The following LRRN1 variants were observed in gnomAD, a reference collection of about 807,000 sequenced individuals.
The protein encoded by LRRN1 is leucine rich repeat neuronal 1, also known as leucine-rich repeat neuronal protein 1.
Under a neutral mutation model 45.8 loss-of-function variants are expected in LRRN1, and 14 were observed. That is an observed-to-expected ratio of 0.31 (90% CI 0.20 to 0.48). LRRN1 has a LOEUF of 0.48. Ranked by LOEUF, LRRN1 falls within the 20% of genes least tolerant of loss-of-function variation. The pLI is 0.99. For synonymous variants in LRRN1, 359 were observed against 330.1 expected, an observed-to-expected ratio of 1.09 and a Z score of -0.95; for missense variants, 789 against 874.2, an observed-to-expected ratio of 0.90 and a Z score of 1.23.
In LRRN1 at chr3:3,846,238, C is replaced by A. The variant is rs1225133051; in HGVS notation, c.1597C>A (p.Gln533Lys). The A allele has an allele frequency of 6.2e-6, 10 of 1,614,008 alleles. No individual in the cohort carries two copies. Among genetic ancestry groups the A allele is most frequent in the Non-Finnish European group, 7.6e-6 (9 of 1,180,020 alleles). The change falls in exon 2 of 2, where the codon CAG becomes AAG. Residue 533 changes from glutamine to lysine, a missense_variant. Transcript: ENST00000319331. The surrounding 1 kb of genome is among the most constrained non-coding windows in gnomAD (Gnocchi z 5.7). ...GTQVLKIYVK[Q>K]TESHSILVSW... ...CCAGGTGCTAAAAATATACGTCAAG[C>A]AGACAGAATCCCATTCCATCTTAGT...
chr3:3,816,746 C>T lies in LRRN1; in HGVS notation c.-279+16827C>T, dbSNP rs1265110331. ...TGCTCTAGTTAACCAAGGTTTCGCT[C>T]TACAAGTTAGCTTTCTTCTACGTGT... On this transcript the variant is annotated intron_variant, in intron 1 of 1. Coordinates refer to ENST00000319331, the MANE Select transcript of LRRN1 (RefSeq NM_020873.7). This position sits in a 1 kb window ranked among gnomAD's most constrained non-coding sequence, Gnocchi z 4.0. Among the ~76,000 whole-genome samples, 1 of 152,172 alleles carries T rather than the reference C, an allele frequency of 6.6e-6. No homozygotes were observed. Among genetic ancestry groups the T allele is most frequent in the South Asian group, 2.1e-4 (1 of 4,838 alleles).
rs1575307783 is a variant in LRRN1, at chr3:3,847,896, C to T, written c.*1104C>T. Among the ~76,000 whole-genome samples, 1 of 151,978 alleles carries T rather than the reference C, an allele frequency of 6.6e-6. No homozygotes were observed. The highest frequency in any genetic ancestry group is 2.1e-4 in the South Asian group (1 of 4,798). On this transcript the variant is annotated 3_prime_UTR_variant, in exon 2 of 2. Coordinates refer to ENST00000319331, the MANE Select transcript of LRRN1 (RefSeq NM_020873.7). ...AAGAAAAAAAGGTGTATTGTTGTAT[C>T]CCATGCATAAATAAAGGTAAATATA...
At chr3:3,802,128 G>A (rs537752409) in intron 1 of LRRN1, among the ~76,000 whole-genome samples, 1 of 152,322 alleles carries the variant, frequency 6.6e-6, no homozygotes, top group East Asian at 1.9e-4. Context: ...CTAGTTACCC[G>A]AGTGGTTTTC....
chr3:3,800,225 C>A (rs1227774417), intron 1 of LRRN1, among the ~76,000 whole-genome samples: 1 of 150,964 alleles, frequency 6.6e-6, no homozygotes, highest in Non-Finnish European at 1.5e-5. Context: ...GTGACCGGAG[C>A]CGAGCCTGCT....
chr3:3,839,242 A>C (rs1693592945), intron 1 of LRRN1, among the ~76,000 whole-genome samples: 1 of 152,150 alleles, frequency 6.6e-6, no homozygotes, highest in African/African-American at 2.4e-5. Context: ...TTCCTCACAC[A>C]ATTTGTTGAA....
chr3:3,800,435 T>C (rs1405042806), intron 1 of LRRN1, among the ~76,000 whole-genome samples: 2 of 151,848 alleles, frequency 1.3e-5, no homozygotes, highest in Non-Finnish European at 2.9e-5. Flanking sequence ...GTCTTGGCGG[T>C]GGCCTTGGTA....
Position 3,846,372 on chromosome 3 carries a change from T to C in LRRN1, c.1731T>C (p.Asp577=), listed in dbSNP as rs756832505. 5.0e-6 allele frequency: 8 copies of C among 1,613,728 alleles called. No homozygotes were observed. The African/African-American group carries it at 5.3e-5, about 11-fold the overall frequency. Residue 577 remains aspartate (D), a synonymous_variant, in exon 2 of 2, where the codon GAT becomes GAC. Coordinates refer to ENST00000319331, the MANE Select transcript of LRRN1 (RefSeq NM_020873.7). This position sits in a 1 kb window ranked among gnomAD's most constrained non-coding sequence, Gnocchi z 5.7. ...HITYTARVPV[D]VHEYNLTHLQ... ...CATATACTGCCAGGGTCCCAGTCGA[T>C]GTCCATGAATACAACCTAACGCATC...
At chr3:3,819,782 C>G (rs1450445038) in intron 1 of LRRN1, among the ~76,000 whole-genome samples, 1 of 152,170 alleles carries the variant, frequency 6.6e-6, no homozygotes, top group African/African-American at 2.4e-5. Flanking sequence ...TTTGAATCCA[C>G]AATCCGTAAC....
rs527717159 is a variant in LRRN1, at chr3:3,817,049, C to G, written c.-279+17130C>G. On this transcript the variant is annotated intron_variant, in intron 1 of 1. Transcript: ENST00000319331. ...GATTATGGAGGCCGAGAAGCCCCAC[C>G]ACCTGCCATCTATAAGCTGGAAAAC... Among the ~76,000 whole-genome samples, 6 of 152,266 alleles carry G rather than the reference C, an allele frequency of 3.9e-5. No individual in the cohort carries two copies. In the East Asian group the frequency reaches 1.2e-3, roughly 29 times the overall value.
rs79563481 is a variant in LRRN1 at position 3,848,747 on chromosome 3, G to A, written c.*1955G>A. Among the ~76,000 whole-genome samples the A allele has an allele frequency of 0.02, 3,056 of 152,184 alleles. 101 individuals are homozygous for A. The highest frequency in any genetic ancestry group is 0.15 in the East Asian group (749 of 5,164). ...GGAGGGCTTGCAGCTTACCCAGTTC[G>A]GACTCCTGCCAGTTCAGCGCTCTGC... On this transcript the variant is annotated 3_prime_UTR_variant, in exon 2 of 2. Coordinates refer to ENST00000319331, the MANE Select transcript of LRRN1 (RefSeq NM_020873.7).
chr3:3,822,071 T>A (rs974408979), intron 1 of LRRN1, among the ~76,000 whole-genome samples: 1 of 152,224 alleles, frequency 6.6e-6, no homozygotes, highest in Admixed American at 6.5e-5. Flanking sequence ...TGGATTCACA[T>A]AGAACCTCAA....
chr3:3,800,600 C>T (rs1446314141), intron 1 of LRRN1: 1 of 137,754 alleles, frequency 7.3e-6, no homozygotes, highest in Non-Finnish European at 1.6e-5. Flanking sequence ...AGCCCGTGAG[C>T]CTTGAGCTCC....
chr3:3,809,504 C>T (rs1169006280), intron 1 of LRRN1, among the ~76,000 whole-genome samples: 3 of 152,222 alleles, frequency 2.0e-5, no homozygotes, highest in Admixed American at 6.5e-5. Context: ...AAAGCTACTA[C>T]TTGAGATTCG....
chr3:3,811,612 C>T (rs558981873), intron 1 of LRRN1, among the ~76,000 whole-genome samples: 6 of 152,306 alleles, frequency 3.9e-5, no homozygotes, highest in African/African-American at 1.4e-4. Flanking sequence ...AGAGATATTA[C>T]TATGTTACTG....
chr3:3,845,381 A>G lies in LRRN1; in HGVS notation c.740A>G (p.Tyr247Cys). Reference protein sequence around the residue: ...GLDSLESLSFYDNKLVKVPQL... With the variant: ...GLDSLESLSFCDNKLVKVPQL... ...GATAGCCTTGAGAGCCTGTCTTTTT[A>G]TGATAACAAACTGGTTAAAGTCCCT... Residue 247 changes from tyrosine to cysteine, a missense_variant, in exon 2 of 2, where the codon TAT becomes TGT. Coordinates refer to ENST00000319331, the MANE Select transcript of LRRN1 (RefSeq NM_020873.7). The surrounding 1 kb of genome is among the most constrained non-coding windows in gnomAD (Gnocchi z 6.5). The G allele has an allele frequency of 6.2e-7, 1 of 1,614,076 alleles. No homozygotes were observed. The highest frequency in any genetic ancestry group is 8.5e-7 in the Non-Finnish European group (1 of 1,179,990).
intron 1 of LRRN1, among the ~76,000 whole-genome samples, chr3:3,834,432 A>C (rs2106465680): frequency 6.8e-6 from 1 of 146,778 alleles, no homozygotes; most frequent in Admixed American, 6.9e-5. Flanking sequence ...CCCCAAAACC[A>C]ATGAAAGAAC....
At chr3:3,806,894 A>G (rs983121112) in intron 1 of LRRN1, among the ~76,000 whole-genome samples, 5 of 152,190 alleles carry the variant, frequency 3.3e-5, no homozygotes, top group Non-Finnish European at 5.9e-5. Flanking sequence ...TCCTCTTCCC[A>G]GCACAAGTTG....
chr3:3,804,599 G>A (rs935971581), intron 1 of LRRN1, among the ~76,000 whole-genome samples: 3 of 152,052 alleles, frequency 2.0e-5, no homozygotes, highest in African/African-American at 7.2e-5. Flanking sequence ...ACTCTTTATT[G>A]CTCAGAGGTT....
At position 3,844,713 on chromosome 3, in the gene LRRN1, G is replaced by C; in HGVS notation, c.72G>C (p.Glu24Asp). ...GCCTACTAATGACTTCATTAACCGAGTCTTCCATACAGAATAGTGAGTGTC... is the reference window on the plus strand; with the variant it reads ...GCCTACTAATGACTTCATTAACCGACTCTTCCATACAGAATAGTGAGTGTC... ...VLGLLMTSLT[E>D]SSIQNSECPQ... The change falls in exon 2 of 2, where the codon GAG becomes GAC. Residue 24 changes from glutamate to aspartate, a missense_variant. Coordinates refer to ENST00000319331, the MANE Select transcript of LRRN1 (RefSeq NM_020873.7). 1 of 1,614,100 alleles carries C rather than the reference G, an allele frequency of 6.2e-7. No homozygotes were observed. The highest frequency in any genetic ancestry group is 8.5e-7 in the Non-Finnish European group (1 of 1,179,986).
Sources: gnomAD v4.1 joint callset for allele counts (sites outside exome capture counted in the v4.1 genomes callset) on GRCh38, gnomAD v4.1.1 for gene constraint, Gnocchi (gnomAD v3.1) non-coding constraint, MANE v1.5 for transcripts, NCBI Gene and HGNC (gene_info 2026-07-23, HGNC 2026-07-21) for gene names.